The following TENM3 variants were observed in gnomAD, a reference collection of about 807,000 sequenced individuals.
TENM3 encodes teneurin transmembrane protein 3.
A neutral mutation model predicts 255.1 loss-of-function variants in TENM3; 63 were observed. That is an observed-to-expected ratio of 0.25 (90% CI 0.20 to 0.30). The LOEUF (loss-of-function observed/expected upper bound fraction) is 0.30, where lower values mean the gene tolerates loss of function less well. TENM3 is among the 10% of genes least tolerant of loss of function. TENM3 has a pLI of 1.00. For missense variants in TENM3, 2,929 were observed against 3,461.1 expected (o/e 0.85, Z 3.86); for synonymous variants, 1,306 against 1,322.3 (o/e 0.99, Z 0.27).
the TENM3 span, among the ~76,000 whole-genome samples, chr4:181,710,685 G>C: frequency 1.1e-4 from 16 of 152,036 alleles, no homozygotes; most frequent in Non-Finnish European, 2.4e-4. Context: ...TCTCGCCACT[G>C]TACCTCAGCC....
the TENM3 span, among the ~76,000 whole-genome samples, chr4:181,923,485 G>T: frequency 6.6e-6 from 1 of 152,068 alleles, no homozygotes; most frequent in African/African-American, 2.4e-5. Context: ...AATTGACTTT[G>T]AACATAGAGA....
the TENM3 span, among the ~76,000 whole-genome samples, chr4:181,851,620 G>A: frequency 7.9e-5 from 12 of 151,588 alleles, no homozygotes; most frequent in Non-Finnish European, 8.8e-5. Context: ...ACGCACGCAC[G>A]CACACGCATG....
the TENM3 span, among the ~76,000 whole-genome samples, chr4:181,776,436 G>C: frequency 1.3e-5 from 2 of 152,026 alleles, no homozygotes; most frequent in Non-Finnish European, 2.9e-5. Flanking sequence ...TAAATACCTA[G>C]CAGTGTGATT....
chr4:182,244,587 A>G (rs1757525669), intron 1 of TENM3, among the ~76,000 whole-genome samples: 1 of 152,152 alleles, frequency 6.6e-6, no homozygotes. Context: ...TGGCTCCTAA[A>G]CTGATGGACA....
chr4:181,701,197 C>T, the TENM3 span, among the ~76,000 whole-genome samples: 1 of 152,148 alleles, frequency 6.6e-6, no homozygotes, highest in Admixed American at 6.5e-5. Flanking sequence ...ACTCTCCCAC[C>T]AAGGAGACTG....
the TENM3 span, among the ~76,000 whole-genome samples, chr4:181,639,841 G>C: frequency 0.018 from 2,781 of 152,230 alleles, 107 homozygotes; most frequent in African/African-American, 0.064. Context: ...CTCGGCCAAG[G>C]AGATCCACCC....
At chr4:182,618,764 G>GT (rs1749789260) in intron 4 of TENM3, among the ~76,000 whole-genome samples, 1 of 152,036 alleles carries the variant, frequency 6.6e-6, no homozygotes, top group Non-Finnish European at 1.5e-5. Flanking sequence ...TCATTTGAGG[G>GT]TAAAAAAAAA....
At chr4:181,725,295 A>G in the TENM3 span, among the ~76,000 whole-genome samples, 1 of 152,240 alleles carries the variant, frequency 6.6e-6, no homozygotes, top group Non-Finnish European at 1.5e-5. Flanking sequence ...AAAGTATTGA[A>G]AATACACATG....
Position 182,688,290 on chromosome 4 carries a change from G to A in TENM3, c.2160G>A (p.Gly720=). The A allele has an allele frequency of 1.2e-6, 2 of 1,613,936 alleles. No individual in the cohort carries two copies. The highest frequency in any genetic ancestry group is 1.7e-5 in the Admixed American group (1 of 60,016). The change falls in exon 12 of 28, where the codon GGG becomes GGA. Residue 720 remains glycine, a synonymous_variant. Transcript: ENST00000511685. ...RACHPRCAEH[G]TCKDGKCECS... The stretch of plus-strand genomic sequence containing the variant: ...GCCACCCCCGCTGTGCCGAGCACGG[G>A]ACCTGCAAGGATGGCAAGTGTGAAT...
chr4:182,053,806 T>G, the TENM3 span, among the ~76,000 whole-genome samples: 3 of 152,172 alleles, frequency 2.0e-5, no homozygotes, highest in African/African-American at 7.2e-5. Context: ...TGGCCTGATA[T>G]GAACCTTCAC....
intron 1 of TENM3, among the ~76,000 whole-genome samples, chr4:182,270,583 C>T (rs1759549752): frequency 6.6e-6 from 1 of 152,152 alleles, no homozygotes; most frequent in Admixed American, 6.5e-5. Context: ...CCAGGGTCCC[C>T]TTGGCTCAGA....
the TENM3 span, among the ~76,000 whole-genome samples, chr4:181,458,032 A>G: frequency 6.6e-6 from 1 of 151,924 alleles, no homozygotes; most frequent in Non-Finnish European, 1.5e-5. Flanking sequence ...GCAAATTTTA[A>G]AAGAACTAGT....
At chr4:181,607,145 C>T in the TENM3 span, among the ~76,000 whole-genome samples, 2 of 152,156 alleles carry the variant, frequency 1.3e-5, no homozygotes, top group African/African-American at 4.8e-5. Context: ...TGGTCTTTGG[C>T]CCTTATCCTG....
intron 3 of TENM3, among the ~76,000 whole-genome samples, chr4:182,468,413 G>A (rs1199997796): frequency 1.3e-5 from 2 of 152,130 alleles, no homozygotes; most frequent in Non-Finnish European, 2.9e-5. Context: ...GTCCTGATCT[G>A]TGCTCAGCTA....
the TENM3 span, among the ~76,000 whole-genome samples, chr4:181,759,724 ATGTGTGTGTGTGTG>A: frequency 2.0e-5 from 3 of 146,514 alleles, no homozygotes; most frequent in Non-Finnish European, 1.5e-5. Flanking sequence ...CAATCAACAG[ATGTGTGTGTGTGTG>A]TGTGTGTGTG....
At chr4:181,613,851 A>G in the TENM3 span, among the ~76,000 whole-genome samples, 2 of 152,218 alleles carry the variant, frequency 1.3e-5, no homozygotes, top group Non-Finnish European at 2.9e-5. Context: ...TTAGTGGGCT[A>G]AGAGTGTGCA....
chr4:181,859,208 G>A, the TENM3 span, among the ~76,000 whole-genome samples: 354 of 125,206 alleles, frequency 2.8e-3, 8 homozygotes, highest in African/African-American at 0.01. Flanking sequence ...GTGCCACTGC[G>A]CTCCACCCTG....
the TENM3 span, among the ~76,000 whole-genome samples, chr4:181,560,682 A>G: frequency 5.9e-5 from 9 of 152,270 alleles, no homozygotes; most frequent in East Asian, 1.7e-3. Flanking sequence ...CAGCAGCACA[A>G]CTGACCTACC....
intron 24 of TENM3, among the ~76,000 whole-genome samples, chr4:182,785,070 G>T (rs1765528132): frequency 6.7e-6 from 1 of 149,908 alleles, no homozygotes; most frequent in Admixed American, 6.7e-5. Flanking sequence ...GGCCATCTTG[G>T]CTCCTCCCCC....
Sources: gnomAD v4.1 joint callset for allele counts (sites outside exome capture counted in the v4.1 genomes callset) on GRCh38, gnomAD v4.1.1 for gene constraint, MANE v1.5 for transcripts, NCBI Gene and HGNC (gene_info 2026-07-23, HGNC 2026-07-21) for gene names.